The following RBFOX1 variants were observed in gnomAD, a reference collection of about 807,000 sequenced individuals.
RBFOX1 encodes the protein RNA binding protein fox-1 homolog 1.
A neutral mutation model predicts 57.7 loss-of-function variants in RBFOX1; 8 were observed. The ratio of observed to expected loss-of-function variants is 0.14; its 90% CI spans 0.08 to 0.25. The LOEUF (loss-of-function observed/expected upper bound fraction) is 0.25, where lower values mean the gene tolerates loss of function less well. RBFOX1 is among the 10% of genes least tolerant of loss of function. The pLI, the probability that RBFOX1 is intolerant of heterozygous loss-of-function variation, is 1.00. For synonymous variants in RBFOX1, 326 were observed against 222.4 expected (o/e 1.47, Z -4.15); for missense variants, 611 against 548.5 (o/e 1.11, Z -1.14).
intron 4 of RBFOX1, among the ~76,000 whole-genome samples, chr16:6,011,360 A>G (rs1038394974): frequency 3.9e-5 from 6 of 152,216 alleles, no homozygotes; most frequent in African/African-American, 1.4e-4. Context: ...GAACTTTAGA[A>G]AATTTACAGA....
intron 1 of RBFOX1, among the ~76,000 whole-genome samples, chr16:5,304,968 C>T (rs1245374025): frequency 6.6e-6 from 1 of 152,264 alleles, no homozygotes; most frequent in South Asian, 2.1e-4. Flanking sequence ...GTGTCCTTTA[C>T]CTGTTTTTCA....
intron 1 of RBFOX1, among the ~76,000 whole-genome samples, chr16:6,025,239 T>C (rs1451947083): frequency 6.6e-6 from 1 of 152,252 alleles, no homozygotes; most frequent in East Asian, 1.9e-4. Context: ...AGATTTGGTC[T>C]GTGGACGTAG....
chr16:7,638,743 G>A (rs1166733844), intron 11 of RBFOX1, among the ~76,000 whole-genome samples: 1 of 152,104 alleles, frequency 6.6e-6, no homozygotes, highest in Non-Finnish European at 1.5e-5. Flanking sequence ...AGACTTCTAG[G>A]TTGAAACATG....
chr16:5,917,677 A>G (rs1218213127), intron 4 of RBFOX1, among the ~76,000 whole-genome samples: 2 of 152,170 alleles, frequency 1.3e-5, no homozygotes, highest in Non-Finnish European at 2.9e-5. Flanking sequence ...TCCCCAGTCC[A>G]TGCCGCCATC....
intron 4 of RBFOX1, among the ~76,000 whole-genome samples, chr16:7,329,807 A>G (rs764015238): frequency 3.8e-4 from 58 of 152,216 alleles, no homozygotes; most frequent in Non-Finnish European, 6.3e-4. Flanking sequence ...GGCGTTCTTA[A>G]GAAGAAAACA....
chr16:6,129,851 G>C (rs1351097100), intron 1 of RBFOX1, among the ~76,000 whole-genome samples: 2 of 151,704 alleles, frequency 1.3e-5, no homozygotes, highest in South Asian at 2.1e-4. Flanking sequence ...CATAGAAACT[G>C]TGGAGGCCAG....
At chr16:5,917,814 G>C (rs542320765) in intron 4 of RBFOX1, among the ~76,000 whole-genome samples, 1 of 152,178 alleles carries the variant, frequency 6.6e-6, no homozygotes, top group Non-Finnish European at 1.5e-5. Context: ...ATACCGGGTT[G>C]TGACTCTTCT....
Position 7,155,712 on chromosome 16 carries a change from AATAT to A in RBFOX1, c.27+103638_27+103641del, listed in dbSNP as rs1186735495. The stretch of plus-strand genomic sequence containing the variant: ...TCTCCTCCCACCAAAAAAAAAAAAA[AATAT>A]ATATATATATATATATATATATACA... On this transcript the variant is annotated intron_variant, in intron 4 of 15. Coordinates refer to ENST00000550418, the MANE Select transcript of RBFOX1 (RefSeq NM_018723.4). Among the ~76,000 whole-genome samples, 224 of 77,364 alleles carry A rather than the reference AATAT, an allele frequency of 2.9e-3. 1 individual carries two copies. Among genetic ancestry groups the A allele is most frequent in the Middle Eastern group, 0.025 (4 of 162 alleles). 50.8% of individuals were successfully genotyped at this position (77,364 alleles called of 152,430 possible).
At chr16:5,999,576 G>A (rs1263302301) in intron 4 of RBFOX1, among the ~76,000 whole-genome samples, 1 of 152,160 alleles carries the variant, frequency 6.6e-6, no homozygotes, top group Non-Finnish European at 1.5e-5. Context: ...GCGCCGCTGG[G>A]TGCGGCTGGG....
At chr16:6,073,619 C>T (rs1351493055) in intron 1 of RBFOX1, among the ~76,000 whole-genome samples, 1 of 152,104 alleles carries the variant, frequency 6.6e-6, no homozygotes, top group Middle Eastern at 3.2e-3. Flanking sequence ...ATTTTTGGTG[C>T]ACAAACATGT....
chr16:6,165,732 A>G (rs2096912358), intron 1 of RBFOX1, among the ~76,000 whole-genome samples: 1 of 152,218 alleles, frequency 6.6e-6, no homozygotes. Flanking sequence ...GCTACAGCGT[A>G]ATGCTCTCCT....
intron 3 of RBFOX1, among the ~76,000 whole-genome samples, chr16:5,715,313 G>C (rs939759470): frequency 2.0e-5 from 3 of 152,090 alleles, no homozygotes; most frequent in Non-Finnish European, 2.9e-5. Flanking sequence ...GGTGTCCACT[G>C]GGCTCCTAGA....
chr16:5,590,390 A>C (rs747444468), intron 2 of RBFOX1, among the ~76,000 whole-genome samples: 3 of 152,146 alleles, frequency 2.0e-5, no homozygotes, highest in Non-Finnish European at 4.4e-5. Flanking sequence ...TGACATTTAC[A>C]CAGAATTTTC....
At chr16:7,338,268 T>C (rs991040726) in intron 4 of RBFOX1, among the ~76,000 whole-genome samples, 4 of 151,322 alleles carry the variant, frequency 2.6e-5, no homozygotes, top group African/African-American at 9.7e-5. Flanking sequence ...TCTGAGATGG[T>C]AAGCTCTCAG....
chr16:6,880,407 A>G (rs1452692250), intron 3 of RBFOX1, among the ~76,000 whole-genome samples: 2 of 152,176 alleles, frequency 1.3e-5, no homozygotes, highest in Non-Finnish European at 2.9e-5. Flanking sequence ...TGTTGCAGGA[A>G]TGAACATGTG....
chr16:5,562,122 G>C (rs1597539777), intron 2 of RBFOX1, among the ~76,000 whole-genome samples: 1 of 152,106 alleles, frequency 6.6e-6, no homozygotes, highest in East Asian at 1.9e-4. Flanking sequence ...CTCTTCCTGA[G>C]CTCATGGCAA....
At chr16:7,120,496 TAATC>T (rs370551985) in intron 4 of RBFOX1, among the ~76,000 whole-genome samples, 58 of 151,856 alleles carry the variant, frequency 3.8e-4, no homozygotes, top group African/African-American at 1.4e-3. Context: ...TATAAGGAAA[TAATC>T]AAATAATCTA....
chr16:5,785,053 C>A (rs973143327), intron 3 of RBFOX1, among the ~76,000 whole-genome samples: 5 of 152,178 alleles, frequency 3.3e-5, no homozygotes, highest in Admixed American at 2.6e-4. Flanking sequence ...TGTTAGCCAT[C>A]CAGTGTTGTG....
intron 4 of RBFOX1, among the ~76,000 whole-genome samples, chr16:7,314,450 T>A (rs948821986): frequency 1.3e-5 from 2 of 152,200 alleles, no homozygotes; most frequent in Non-Finnish European, 2.9e-5. Flanking sequence ...TGAGATGGTG[T>A]GCGCCTGTGT....
Sources: allele counts gnomAD v4.1 joint callset (sites outside exome capture counted in the v4.1 genomes callset), GRCh38; gene constraint gnomAD v4.1.1; transcripts MANE v1.5; gene names NCBI Gene and HGNC (gene_info 2026-07-23, HGNC 2026-07-21).